CTNNA3: variants seen among roughly 807,000 people sequenced by gnomAD.
CTNNA3 encodes catenin alpha-3.
A neutral mutation model predicts 95.7 loss-of-function variants in CTNNA3; 76 were observed. The observed-to-expected ratio is 0.79, with a 90% CI of 0.66 to 0.96. The LOEUF is 0.96. CTNNA3 is among the 40% of genes least tolerant of loss of function. CTNNA3 has a pLI of 0.00. For missense variants in CTNNA3, 1,191 were observed against 1,089.8 expected, an observed-to-expected ratio of 1.09 and a Z score of -1.31; for synonymous variants, 431 against 374.4, an observed-to-expected ratio of 1.15 and a Z score of -1.74.
chr10:66,123,307 A>G (rs2082666460), intron 13 of CTNNA3, among the ~76,000 whole-genome samples: 1 of 152,164 alleles, frequency 6.6e-6, no homozygotes, highest in South Asian at 2.1e-4. Context: ...CAAACCTTAA[A>G]GCTCCAAAAT....
At chr10:66,394,953 C>A (rs2092964166) in intron 11 of CTNNA3, among the ~76,000 whole-genome samples, 1 of 151,912 alleles carries the variant, frequency 6.6e-6, no homozygotes, top group Non-Finnish European at 1.5e-5. Context: ...TGCAAATGTA[C>A]AGATAAAATT....
chr10:67,726,311 T>C (rs1399820886), intron 1 of CTNNA3, among the ~76,000 whole-genome samples: 1 of 92,950 alleles, frequency 1.1e-5, no homozygotes, highest in Non-Finnish European at 1.8e-5. Flanking sequence ...TTATCTTACA[T>C]ATTATATATA....
At chr10:66,891,458 G>C (rs1845266666) in intron 7 of CTNNA3, among the ~76,000 whole-genome samples, 1 of 152,060 alleles carries the variant, frequency 6.6e-6, no homozygotes, top group African/African-American at 2.4e-5. Context: ...AGGATATTTT[G>C]ATTATATCAT....
chr10:66,697,467 ATATG>A (rs1293810457), intron 9 of CTNNA3, among the ~76,000 whole-genome samples: 2 of 151,914 alleles, frequency 1.3e-5, no homozygotes, highest in African/African-American at 4.8e-5. Context: ...TATGGATTAT[ATATG>A]TATGTATATG....
intron 13 of CTNNA3, among the ~76,000 whole-genome samples, chr10:66,179,912 A>G (rs2085946415): frequency 6.6e-6 from 1 of 152,142 alleles, no homozygotes; most frequent in African/African-American, 2.4e-5. Flanking sequence ...TTTTATAGCT[A>G]GAGTATAAAC....
intron 7 of CTNNA3, among the ~76,000 whole-genome samples, chr10:66,999,139 A>G (rs534415177): frequency 6.6e-6 from 1 of 152,250 alleles, no homozygotes; most frequent in South Asian, 2.1e-4. Context: ...AGATATTTGT[A>G]CTACTTTTAT....
At chr10:67,244,182 G>A (rs1306461748) in intron 5 of CTNNA3, among the ~76,000 whole-genome samples, 1 of 152,162 alleles carries the variant, frequency 6.6e-6, no homozygotes, top group East Asian at 1.9e-4. Flanking sequence ...ATTTGTTTAT[G>A]AACTAGTCTT....
intron 17 of CTNNA3, among the ~76,000 whole-genome samples, chr10:65,942,088 T>A (rs1266788509): frequency 1.3e-5 from 2 of 152,342 alleles, no homozygotes; most frequent in East Asian, 1.9e-4. Context: ...TTTTACTAGA[T>A]TTCAGAGAAG....
At chr10:67,018,668 C>T (rs796461587) in intron 7 of CTNNA3, among the ~76,000 whole-genome samples, 5 of 152,292 alleles carry the variant, frequency 3.3e-5, no homozygotes, top group East Asian at 1.9e-4. Flanking sequence ...CCTTTTTAAC[C>T]GTGGACAAGC....
At chr10:67,425,314 T>C (rs940141244) in intron 5 of CTNNA3, among the ~76,000 whole-genome samples, 6 of 152,038 alleles carry the variant, frequency 3.9e-5, no homozygotes, top group African/African-American at 1.4e-4. Flanking sequence ...AACAATGGTA[T>C]AATATGAAAC....
At chr10:67,135,418 C>A (rs1860247924) in intron 7 of CTNNA3, among the ~76,000 whole-genome samples, 1 of 152,248 alleles carries the variant, frequency 6.6e-6, no homozygotes, top group Middle Eastern at 3.4e-3. Context: ...CTCATGCCTG[C>A]AATCCCAGTA....
At chr10:66,993,092 C>T (rs930719994) in intron 7 of CTNNA3, among the ~76,000 whole-genome samples, 12 of 152,082 alleles carry the variant, frequency 7.9e-5, no homozygotes, top group African/African-American at 2.9e-4. Context: ...AGGCACTGGA[C>T]GATCATGAGG....
intron 1 of CTNNA3, chr10:67,750,849 A>G (rs768465279): frequency 1.2e-4 from 197 of 1,610,826 alleles, no homozygotes; most frequent in Admixed American, 5.5e-4. Context: ...AGTGTCACCC[A>G]TACCTCACAC....
At chr10:66,580,335 T>C (rs1589447322) in intron 10 of CTNNA3, among the ~76,000 whole-genome samples, 1 of 151,758 alleles carries the variant, frequency 6.6e-6, no homozygotes, top group East Asian at 1.9e-4. Flanking sequence ...ACATGTGCTA[T>C]CTTGATATGA....
At chr10:67,215,763 C>A (rs541573709) in intron 6 of CTNNA3, among the ~76,000 whole-genome samples, 1 of 152,242 alleles carries the variant, frequency 6.6e-6, no homozygotes, top group South Asian at 2.1e-4. Context: ...TAAAGATTCC[C>A]AGTAACATGC....
chr10:66,859,590 T>C (rs929620650), intron 7 of CTNNA3, among the ~76,000 whole-genome samples: 6 of 150,390 alleles, frequency 4.0e-5, no homozygotes, highest in African/African-American at 1.5e-4. Flanking sequence ...AGTTCAACCA[T>C]TGTGGAAGTC....
intron 7 of CTNNA3, among the ~76,000 whole-genome samples, chr10:67,102,010 A>C (rs1284635165): frequency 6.6e-6 from 1 of 151,656 alleles, no homozygotes; most frequent in African/African-American, 2.4e-5. Flanking sequence ...AAAAGGTGAA[A>C]ATTTTCCAGA....
rs190501239 is a variant in CTNNA3, at chr10:66,703,473, G to A, written c.1281+62791C>T. Among the ~76,000 whole-genome samples the A allele has an allele frequency of 2.6e-5, 4 of 152,272 alleles. No individual in the cohort carries two copies. In the East Asian group the frequency reaches 7.7e-4, roughly 29 times the overall value. ...GATGAAAATTTCAGCTGAAGGATGA[G>A]CAGAAATGTTGTCAAGGAATAACAA... On this transcript the variant is annotated intron_variant, in intron 9 of 17. Transcript: ENST00000433211.
intron 5 of CTNNA3, among the ~76,000 whole-genome samples, chr10:67,444,084 C>A (rs967451597): frequency 3.9e-5 from 6 of 152,082 alleles, no homozygotes; most frequent in Admixed American, 6.6e-5. Flanking sequence ...TCAATGGCTG[C>A]AGAATACACA....
Sources: gnomAD v4.1 joint callset for allele counts (sites outside exome capture counted in the v4.1 genomes callset) on GRCh38, gnomAD v4.1.1 for gene constraint, MANE v1.5 for transcripts, NCBI Gene and HGNC (gene_info 2026-07-23, HGNC 2026-07-21) for gene names.